CTPS2: variants seen among roughly 807,000 people sequenced by gnomAD.
CTPS2 encodes the protein CTP synthase II.
CTPS2 carries 19 observed loss-of-function variants against 46.8 expected under a neutral mutation model. The observed-to-expected ratio is 0.41, with a 90% CI of 0.28 to 0.60. The LOEUF (loss-of-function observed/expected upper bound fraction) is 0.60, where lower values mean the gene tolerates loss of function less well. CTPS2 is among the 20% of genes least tolerant of loss of function. CTPS2 has a pLI of 0.35. For missense variants in CTPS2, 286 were observed against 447.6 expected (o/e 0.64, Z 3.26); for synonymous variants, 151 against 165.2 (o/e 0.91, Z 0.66).
chrX:16,646,850 G>A (rs1671028708), intron 13 of CTPS2, among the ~76,000 whole-genome samples: 1 of 111,567 alleles, frequency 9.0e-6, no homozygotes, highest in African/African-American at 3.3e-5. Flanking sequence ...GCTTTCCTAG[G>A]AAAAATTAAG....
chrX:16,693,506 CA>C lies in CTPS2; in HGVS notation c.439-20del. ...CTCCCAGCTGGGAATGGAAAACAAA[CA>C]AAAAAAGACACAAATGACCACACAT... On this transcript the variant is annotated intron_variant, in intron 4 of 18. Coordinates refer to ENST00000359276, the MANE Select transcript of CTPS2 (RefSeq NM_175859.3). 1 of 1,020,584 alleles carries C rather than the reference CA, an allele frequency of 9.8e-7. No individual in the cohort carries two copies. 84.1% of individuals were successfully genotyped at this position (1,020,584 alleles called of 1,213,427 possible).
chrX:16,681,440 A>C (rs2147333110), intron 9 of CTPS2, among the ~76,000 whole-genome samples: 1 of 112,139 alleles, frequency 8.9e-6, no homozygotes, highest in Admixed American at 9.5e-5. Flanking sequence ...ATATCATTAA[A>C]TATAAATGTG....
At chrX:16,655,216 G>A (rs751278791) in intron 13 of CTPS2, among the ~76,000 whole-genome samples, 1 of 112,226 alleles carries the variant, frequency 8.9e-6, no homozygotes, top group African/African-American at 3.2e-5. Context: ...CCTCGACGGG[G>A]AACAGAAGGA....
At chrX:16,655,646 C>T (rs1932799269) in intron 13 of CTPS2, among the ~76,000 whole-genome samples, 1 of 111,845 alleles carries the variant, frequency 8.9e-6, no homozygotes, top group South Asian at 3.7e-4. Context: ...ATAGCCTGGT[C>T]ACAGCAGTGC....
At chrX:16,638,858 C>A (rs768048478) in intron 14 of CTPS2, 1 of 448,155 alleles carries the variant, frequency 2.2e-6, no homozygotes, top group South Asian at 2.3e-5. Context: ...TCTCCAGGAG[C>A]ATCGGTAACT....
At chrX:16,676,295 G>A (rs1253098183) in intron 10 of CTPS2, among the ~76,000 whole-genome samples, 2 of 111,598 alleles carry the variant, frequency 1.8e-5, no homozygotes, top group African/African-American at 3.3e-5. Flanking sequence ...CACAGTCCCT[G>A]TACAGGGTTT....
At chrX:16,689,392 G>A (rs1420647805) in intron 8 of CTPS2, 58 bp downstream of exon 8, 5 of 1,146,554 alleles carry the variant, frequency 4.4e-6, no homozygotes, top group Non-Finnish European at 5.9e-6. Context: ...GTAGGTCTTA[G>A]TTCTACCCCC....
rs1156817713 is a variant in CTPS2 at position 16,663,170 on chromosome X, C to T, written c.1296+4344G>A. On this transcript the variant is annotated intron_variant, in intron 13 of 18. Coordinates refer to ENST00000359276, the MANE Select transcript of CTPS2 (RefSeq NM_175859.3). ...TGTTTTGTTTGGTTTTGTTTTGAGA[C>T]AGGGTCTCGCTCTGTCACCCAGGCT... Among the ~76,000 whole-genome samples, 3 of 111,572 alleles carry T rather than the reference C, an allele frequency of 2.7e-5. No homozygotes were observed. The East Asian group carries it at 8.4e-4, about 31-fold the overall frequency.
intron 1 of CTPS2, among the ~76,000 whole-genome samples, chrX:16,707,966 G>A (rs976735213): frequency 9.1e-6 from 1 of 110,119 alleles, no homozygotes; most frequent in African/African-American, 3.4e-5. Context: ...TGGACAATAG[G>A]GTGAGACTCG....
chrX:16,663,364 C>T (rs1356639795), intron 13 of CTPS2, among the ~76,000 whole-genome samples: 1 of 111,255 alleles, frequency 9.0e-6, no homozygotes, highest in Non-Finnish European at 1.9e-5. Flanking sequence ...CCAGGCTGCT[C>T]TCAAACTCCA....
intron 13 of CTPS2, among the ~76,000 whole-genome samples, chrX:16,654,162 C>T (rs774738069): frequency 9.8e-5 from 11 of 112,440 alleles, no homozygotes; most frequent in South Asian, 3.7e-4. Context: ...TATTAAAATA[C>T]GCATTGTATT....
At chrX:16,712,308 C>G (rs982475301) in intron 1 of CTPS2, 27 bp downstream of exon 1, 16 of 112,468 alleles carry the variant, frequency 1.4e-4, no homozygotes, top group Admixed American at 1.4e-3. Flanking sequence ...CCCTGGGGGT[C>G]TGGGACAGGC....
At chrX:16,681,619 C>T (rs1485434362) in intron 9 of CTPS2, among the ~76,000 whole-genome samples, 1 of 111,441 alleles carries the variant, frequency 9.0e-6, no homozygotes, top group African/African-American at 3.3e-5. Flanking sequence ...AATTATAGCT[C>T]ACCGCAGTAT....
In CTPS2 at chrX:16,699,033, C is replaced by T; in HGVS notation, c.227G>A (p.Arg76Lys). 8.4e-7 allele frequency: 1 copy of T among 1,188,527 alleles called. No homozygotes were observed. The highest frequency in any genetic ancestry group is 2.3e-5 in the Admixed American group (1 of 43,314). The stretch of plus-strand genomic sequence containing the variant: ...TTTATAAAGATTAATATCCAAAAAT[C>T]TTTCATAATTTCCAAGGTCTAAATC... ...EVDLDLGNYE[R>K]FLDINLYKDN... The change falls in exon 3 of 19, where the codon AGA (arginine) becomes AAA (lysine). Residue 76 changes from arginine (R) to lysine (K), a missense_variant. By Grantham distance (26) the Arg-to-Lys change is conservative. Coordinates refer to ENST00000359276, the MANE Select transcript of CTPS2 (RefSeq NM_175859.3).
intron 12 of CTPS2, 44 bp from the exon 13 acceptor site, chrX:16,667,601 A>G (rs759164852): frequency 3.3e-6 from 4 of 1,203,365 alleles, no homozygotes; most frequent in Admixed American, 2.2e-5. Context: ...AATAGTGCTG[A>G]AAAATATTTG....
At chrX:16,672,180 G>A (rs1921804907) in intron 10 of CTPS2, among the ~76,000 whole-genome samples, 1 of 111,382 alleles carries the variant, frequency 9.0e-6, no homozygotes, top group Admixed American at 9.5e-5. Context: ...GGATTATTCT[G>A]CCTTGCACTC....
At chrX:16,703,619 C>T (rs1385346173) in intron 1 of CTPS2, among the ~76,000 whole-genome samples, 1 of 112,128 alleles carries the variant, frequency 8.9e-6, no homozygotes, top group Non-Finnish European at 1.9e-5. Flanking sequence ...AAGTGAGCCA[C>T]CATGCTTCGT....
At chrX:16,676,252 C>A (rs934495347) in intron 10 of CTPS2, among the ~76,000 whole-genome samples, 4 of 111,870 alleles carry the variant, frequency 3.6e-5, no homozygotes, top group Non-Finnish European at 7.5e-5. Context: ...CCAATACAAG[C>A]CCCGTGGGAA....
intron 13 of CTPS2, among the ~76,000 whole-genome samples, chrX:16,651,359 C>T (rs1412568726): frequency 8.9e-6 from 1 of 111,763 alleles, no homozygotes; most frequent in African/African-American, 3.3e-5. Flanking sequence ...CAGCACAGGA[C>T]TCTGCAGGAC....
Sources: allele counts gnomAD v4.1 joint callset (sites outside exome capture counted in the v4.1 genomes callset), GRCh38; gene constraint gnomAD v4.1.1; transcripts MANE v1.5; gene names NCBI Gene and HGNC (gene_info 2026-07-23, HGNC 2026-07-21).